KCNQ1: variants seen among roughly 807,000 people sequenced by gnomAD.
The protein encoded by KCNQ1 is potassium voltage-gated channel subfamily KQT member 1.
KCNQ1 carries 49 observed loss-of-function variants against 72.4 expected under a neutral mutation model. The ratio of observed to expected loss-of-function variants is 0.68; its 90% confidence interval spans 0.54 to 0.86. The LOEUF (loss-of-function observed/expected upper bound fraction) is 0.86, where lower values mean the gene tolerates loss of function less well. KCNQ1 is among the 40% of genes least tolerant of loss of function. The probability of loss-of-function intolerance (pLI) is 0.00; values close to 1 mark genes in which losing one functional copy is unlikely to be tolerated. For synonymous variants in KCNQ1, 450 were observed against 412.6 expected, an observed-to-expected ratio of 1.09 and a Z score of -1.10; for missense variants, 790 against 945.1, an observed-to-expected ratio of 0.84 and a Z score of 2.15.
intron 11 of KCNQ1, chr11:2,675,247 T>C (rs1375565252): frequency 5.0e-6 from 2 of 398,510 alleles, no homozygotes; most frequent in Non-Finnish European, 8.8e-6. Flanking sequence ...TCCCAAGCAG[T>C]ACTGTTTCAG....
intron 6 of KCNQ1, among the ~76,000 whole-genome samples, chr11:2,578,171 G>A (rs1215803035): frequency 6.6e-6 from 1 of 152,266 alleles, no homozygotes; most frequent in Non-Finnish European, 1.5e-5. Context: ...CCCTCACCCA[G>A]CAGGCAGCCC....
rs1846599603 is a variant in KCNQ1 at position 2,478,142 on chromosome 11, G to A, written c.386+32658G>A. Among the ~76,000 whole-genome samples the A allele has an allele frequency of 6.7e-6, 1 of 148,772 alleles. No homozygotes were observed. The highest frequency in any genetic ancestry group is 1.5e-5 in the Non-Finnish European group (1 of 67,394). On this transcript the variant is annotated intron_variant, in intron 1 of 15. Coordinates refer to ENST00000155840, the MANE Select transcript of KCNQ1 (RefSeq NM_000218.3). This position sits in a 1 kb window ranked among gnomAD's most constrained non-coding sequence, Gnocchi z 4.0. Reference sequence around the variant, plus strand: ...CAGAACTCCTGCCAAAGACACAGCTGTCCAGGGTCGAATCATCCGGAGACA... The same window carrying A: ...CAGAACTCCTGCCAAAGACACAGCTATCCAGGGTCGAATCATCCGGAGACA...
chr11:2,597,901 G>A (rs1276133190), intron 10 of KCNQ1, among the ~76,000 whole-genome samples: 1 of 151,894 alleles, frequency 6.6e-6, no homozygotes, highest in Non-Finnish European at 1.5e-5. Flanking sequence ...GTGATTTTAT[G>A]GTCTTCTCTA....
At chr11:2,777,591 C>T in intron 14 of KCNQ1, 1 of 518,598 alleles carries the variant, frequency 1.9e-6, no homozygotes, top group Admixed American at 4.1e-5. Flanking sequence ...AGCCACGGCT[C>T]ATAGTGTGGG....
chr11:2,588,283 G>A lies in KCNQ1; in HGVS notation c.1252-430G>A, dbSNP rs907741025. Among the ~76,000 whole-genome samples the A allele has an allele frequency of 5.9e-5, 9 of 151,958 alleles. No homozygotes were observed. The highest frequency in any genetic ancestry group is 2.1e-4 in the South Asian group (1 of 4,822). ...GTTTCCAGCTGCCGGTGGAGCCTCC[G>A]TGCCTACTGTTCCCTGTGCTGGAAT... On this transcript the variant is annotated intron_variant, in intron 9 of 15. Transcript: ENST00000155840. The surrounding 1 kb of genome is among the most constrained non-coding windows in gnomAD (Gnocchi z 5.6).
At chr11:2,545,467 G>A (rs1362600727) in intron 2 of KCNQ1, among the ~76,000 whole-genome samples, 1 of 152,096 alleles carries the variant, frequency 6.6e-6, no homozygotes, top group Non-Finnish European at 1.5e-5. Context: ...TTTTATTCAG[G>A]TGATTGATAA....
chr11:2,545,311 TC>T (rs1488988307), intron 2 of KCNQ1, among the ~76,000 whole-genome samples: 1 of 152,206 alleles, frequency 6.6e-6, no homozygotes, highest in Non-Finnish European at 1.5e-5. Context: ...AAGTGTTCTC[TC>T]TCCCTTTTAG....
In KCNQ1 at chr11:2,658,000, A is replaced by G. The variant is rs753844094; in HGVS notation, c.1394-3961A>G. 2.5e-6 allele frequency: 1 copy of G among 398,560 alleles called. No homozygotes were observed. The highest frequency in any genetic ancestry group is 4.4e-6 in the Non-Finnish European group (1 of 226,044). 24.7% of individuals were successfully genotyped at this position (398,560 alleles called of 1,614,324 possible). A position where few individuals can be genotyped will look rare whatever the true frequency, so the allele number is the denominator to read the frequency against. On this transcript the variant is annotated intron_variant, in intron 10 of 15. Coordinates refer to ENST00000155840, the MANE Select transcript of KCNQ1 (RefSeq NM_000218.3). The surrounding 1 kb of genome is among the most constrained non-coding windows in gnomAD (Gnocchi z 4.8). ...CCAGGCTCCTCCACTGTAAGTGAAT[A>G]GCTGTTTTTCCCTTTCCATAGCTTA...
rs36157752 is a variant in KCNQ1 at position 2,458,633 on chromosome 11, CTGGATGGA to C, written c.386+13195_386+13202del. Among the ~76,000 whole-genome samples, 1,269 of 149,936 alleles carry C rather than the reference CTGGATGGA, an allele frequency of 8.5e-3. 17 individuals are homozygous for C. The highest frequency in any genetic ancestry group is 0.037 in the South Asian group (175 of 4,674). On this transcript the variant is annotated intron_variant, in intron 1 of 15. Coordinates refer to ENST00000155840, the MANE Select transcript of KCNQ1 (RefSeq NM_000218.3). This position sits in a 1 kb window ranked among gnomAD's most constrained non-coding sequence, Gnocchi z 4.6. The stretch of plus-strand genomic sequence containing the variant: ...GCTCCCATCCACAATGCTTCCTTGC[CTGGATGGA>C]TGGATGGATGGATGGATGGATGGAT...
intron 1 of KCNQ1, among the ~76,000 whole-genome samples, chr11:2,474,206 G>C (rs920518968): frequency 1.3e-5 from 2 of 152,184 alleles, no homozygotes; most frequent in Non-Finnish European, 2.9e-5. Flanking sequence ...GGGTAGTCAG[G>C]GTCTCAGGGA....
intron 15 of KCNQ1, among the ~76,000 whole-genome samples, chr11:2,789,144 C>T (rs1306499811): frequency 1.3e-5 from 2 of 152,194 alleles, no homozygotes; most frequent in African/African-American, 4.8e-5. Context: ...CCAGCACCTT[C>T]TTTGGAAAGA....
rs1166817036 is a variant in KCNQ1, at chr11:2,690,024, G to A, written c.1514+27943G>A. ...AACTGTTGAGGAAGGTGAGCCTTCC[G>A]AGGGCCAGCCCTGCCTCTCCTCCCC... On this transcript the variant is annotated intron_variant, in intron 11 of 15. Coordinates refer to ENST00000155840, the MANE Select transcript of KCNQ1 (RefSeq NM_000218.3). The surrounding 1 kb of genome is among the most constrained non-coding windows in gnomAD (Gnocchi z 5.1). 5.0e-6 allele frequency: 2 copies of A among 398,808 alleles called. No individual in the cohort carries two copies. Among genetic ancestry groups the A allele is most frequent in the Non-Finnish European group, 8.8e-6 (2 of 226,324 alleles). The allele number at this position is 398,808 out of a possible 1,614,324, so 24.7% of individuals were successfully genotyped here.
At chr11:2,622,488 T>C in intron 10 of KCNQ1, 1 of 398,486 alleles carries the variant, frequency 2.5e-6, no homozygotes, top group Non-Finnish European at 4.4e-6. Flanking sequence ...TGGTTTTCTT[T>C]TAAATCCATT....
At position 2,647,207 on chromosome 11, in the gene KCNQ1, C is replaced by A. The variant is rs1217640514; in HGVS notation, c.1394-14754C>A. 1 of 398,132 alleles carries A rather than the reference C, an allele frequency of 2.5e-6. No individual in the cohort carries two copies. Among genetic ancestry groups the A allele is most frequent in the African/African-American group, 2.1e-5 (1 of 48,516 alleles). The allele number at this position is 398,132 out of a possible 1,614,324, so 24.7% of individuals were successfully genotyped here. On this transcript the variant is annotated intron_variant, in intron 10 of 15. Coordinates refer to ENST00000155840, the MANE Select transcript of KCNQ1 (RefSeq NM_000218.3). The surrounding 1 kb of genome is among the most constrained non-coding windows in gnomAD (Gnocchi z 4.0). ...AAGAGATTTTGAATTTTATCAGATGCTTTTTCTGCATCTATTGAGATGATC... is the reference window on the plus strand; with the variant it reads ...AAGAGATTTTGAATTTTATCAGATGATTTTTCTGCATCTATTGAGATGATC...
At chr11:2,692,103 A>G in intron 11 of KCNQ1, 1 of 398,550 alleles carries the variant, frequency 2.5e-6, no homozygotes, top group South Asian at 1.3e-4. Context: ...TCCTCTCCAC[A>G]GCCTCCATCA....
In KCNQ1 at chr11:2,482,498, C is replaced by T. The variant is rs778663453; in HGVS notation, c.386+37014C>T. 1.3e-5 allele frequency among the ~76,000 whole-genome samples: 2 copies of T among 152,062 alleles called. No individual in the cohort carries two copies. The highest frequency in any genetic ancestry group is 2.9e-5 in the Non-Finnish European group (2 of 68,036). On this transcript the variant is annotated intron_variant, in intron 1 of 15. Coordinates refer to ENST00000155840, the MANE Select transcript of KCNQ1 (RefSeq NM_000218.3). The surrounding 1 kb of genome is among the most constrained non-coding windows in gnomAD (Gnocchi z 5.7). ...TTTTGCCTGGAACTCAAGATTATTT[C>T]CTTGGGTCACATTTGCAGGAGAAGA...
rs746344458 is a variant in KCNQ1, at chr11:2,601,650, G to A, written c.1393+12796G>A. Among the ~76,000 whole-genome samples the A allele has an allele frequency of 1.3e-5, 2 of 152,124 alleles. No individual in the cohort carries two copies. The highest frequency in any genetic ancestry group is 2.4e-5 in the African/African-American group (1 of 41,410). ...AGTTTTGTCTTTTCAAAAATGCCACGTAAATGGAATCACACAATACACGAT... is the reference window on the plus strand; with the variant it reads ...AGTTTTGTCTTTTCAAAAATGCCACATAAATGGAATCACACAATACACGAT... On this transcript the variant is annotated intron_variant, in intron 10 of 15. Coordinates refer to ENST00000155840, the MANE Select transcript of KCNQ1 (RefSeq NM_000218.3). The surrounding 1 kb of genome is among the most constrained non-coding windows in gnomAD (Gnocchi z 5.2).
intron 15 of KCNQ1, among the ~76,000 whole-genome samples, chr11:2,821,324 T>G (rs1847732565): frequency 6.6e-6 from 1 of 152,204 alleles, no homozygotes; most frequent in Non-Finnish European, 1.5e-5. Flanking sequence ...GCCGTGGGCC[T>G]GGCAAGGGTT....
intron 11 of KCNQ1, among the ~76,000 whole-genome samples, chr11:2,742,807 G>A (rs142000042): frequency 2.0e-5 from 3 of 152,320 alleles, no homozygotes; most frequent in Non-Finnish European, 4.4e-5. Flanking sequence ...AGGGAATGCA[G>A]GTCAAACAAA....
Sources: gnomAD v4.1 joint callset for allele counts (sites outside exome capture counted in the v4.1 genomes callset) on GRCh38, gnomAD v4.1.1 for gene constraint, Gnocchi (gnomAD v3.1) non-coding constraint, MANE v1.5 for transcripts, NCBI Gene and HGNC (gene_info 2026-07-23, HGNC 2026-07-21) for gene names.